The following GK5 variants were observed in gnomAD, a reference collection of about 807,000 sequenced individuals.
The protein encoded by GK5 is ATP:glycerol 3-phosphotransferase 5.
Under a neutral mutation model 77.3 loss-of-function variants are expected in GK5, and 39 were observed. That is an observed-to-expected ratio of 0.50 (90% CI 0.39 to 0.66). GK5 has a LOEUF of 0.66. Among genes scored for constraint, GK5 ranks in the 30% least tolerant of loss-of-function variants. The pLI, the probability that GK5 is intolerant of heterozygous loss-of-function variation, is 0.00. For synonymous variants in GK5, 211 were observed against 208.0 expected (o/e 1.01, Z -0.13); for missense variants, 487 against 633.8 (o/e 0.77, Z 2.49).
intron 3 of GK5, among the ~76,000 whole-genome samples, chr3:142,212,887 G>A (rs1372251865): frequency 3.0e-5 from 4 of 131,236 alleles, no homozygotes; most frequent in Non-Finnish European, 6.1e-5. Context: ...AGGCTGGAGT[G>A]CAGTGGCGCA....
intron 5 of GK5, among the ~76,000 whole-genome samples, chr3:142,194,911 G>T (rs1442913302): frequency 6.6e-6 from 1 of 150,940 alleles, no homozygotes; most frequent in Non-Finnish European, 1.5e-5. Flanking sequence ...CCCATACAAT[G>T]TTAATTACAA....
intron 3 of GK5, among the ~76,000 whole-genome samples, chr3:142,209,212 T>C (rs1297791543): frequency 6.6e-6 from 1 of 151,510 alleles, no homozygotes; most frequent in African/African-American, 2.4e-5. Flanking sequence ...CCCTGTGTGG[T>C]GGTCAGTGAA....
chr3:142,220,371 G>A (rs949107198), intron 1 of GK5, among the ~76,000 whole-genome samples: 2 of 152,084 alleles, frequency 1.3e-5, no homozygotes, highest in African/African-American at 4.8e-5. Flanking sequence ...TCTTAACCTC[G>A]TGATCCGCCC....
chr3:142,189,843 C>T (rs1008002881), intron 5 of GK5, among the ~76,000 whole-genome samples: 5 of 152,140 alleles, frequency 3.3e-5, no homozygotes, highest in Non-Finnish European at 7.4e-5. Context: ...AAGAAACAAA[C>T]ATAAATCTTA....
rs1392762824 is a variant in GK5, at chr3:142,210,252, T to C, written c.317+3274A>G. Among the ~76,000 whole-genome samples the C allele has an allele frequency of 2.0e-5, 3 of 152,006 alleles. No homozygotes were observed. The East Asian group carries it at 5.8e-4, about 29-fold the overall frequency. ...TGGCCATGAGGACAGAAATGCACCATGGATGCAGGAGGAAAAAAACAACAA... is the reference window on the plus strand; with the variant it reads ...TGGCCATGAGGACAGAAATGCACCACGGATGCAGGAGGAAAAAAACAACAA... On this transcript the variant is annotated intron_variant, in intron 3 of 15. Transcript: ENST00000392993.
rs397943912 is a variant in GK5, at chr3:142,157,957, G to GTT, written c.*7663_*7664dup. The GTT allele has an allele frequency of 9.9e-4, 142 of 142,932 alleles. 1 individual carries two copies. The highest frequency in any genetic ancestry group is 3.3e-3 in the African/African-American group (129 of 39,300). The allele number at this position is 142,932 out of a possible 1,614,324, so 8.9% of individuals were successfully genotyped here. On this transcript the variant is annotated 3_prime_UTR_variant, in exon 16 of 16. Transcript: ENST00000392993. ...TTTTGTTGTTGTTGTTGTTGTTTTT[G>GTT]TTTTTTTTTTTTGAGATGGAGTCTC...
At chr3:142,219,538 A>C (rs938699791) in intron 1 of GK5, among the ~76,000 whole-genome samples, 1 of 152,240 alleles carries the variant, frequency 6.6e-6, no homozygotes, top group African/African-American at 2.4e-5. Context: ...TGTTACGGAA[A>C]ACAGATCAGT....
At chr3:142,195,516 T>G (rs1460320074) in intron 5 of GK5, among the ~76,000 whole-genome samples, 1 of 152,108 alleles carries the variant, frequency 6.6e-6, no homozygotes, top group Non-Finnish European at 1.5e-5. Context: ...GCTAATTTTT[T>G]AATTTTTAAT....
intron 5 of GK5, among the ~76,000 whole-genome samples, chr3:142,190,034 C>A (rs2063826991): frequency 6.6e-6 from 1 of 152,118 alleles, no homozygotes; most frequent in Non-Finnish European, 1.5e-5. Context: ...ATGGGAGCTA[C>A]AGATGATGGA....
At chr3:142,197,289 T>C (rs1411388800) in intron 5 of GK5, among the ~76,000 whole-genome samples, 1 of 152,230 alleles carries the variant, frequency 6.6e-6, no homozygotes, top group Non-Finnish European at 1.5e-5. Flanking sequence ...TTGCTTCATG[T>C]ATTGTGGACC....
chr3:142,212,895 G>A (rs897491043), intron 3 of GK5, among the ~76,000 whole-genome samples: 112 of 142,424 alleles, frequency 7.9e-4, no homozygotes, highest in African/African-American at 2.9e-3. Flanking sequence ...GTGCAGTGGC[G>A]CAATCTCGGC....
At position 142,183,026 on chromosome 3, in the gene GK5, C is replaced by T. The variant is rs986540366; in HGVS notation, c.840G>A (p.Met280Ile). Residue 280 changes from methionine (M) to isoleucine (I), a missense_variant, in exon 10 of 16, where the codon ATG (methionine) becomes ATA (isoleucine). By Grantham distance (10) the Met-to-Ile change is conservative (BLOSUM62 1). This residue lies in a region of GK5 where 323 missense variants were observed against 437.4 expected (regional missense o/e 0.74). Transcript: ENST00000392993. ...VALVADQQSA[M>I]FGECCFQTGD... ...CTGTCTGGAAGCAGCACTCTCCAAA[C>T]ATGGCTGATTGCTGGTCAGCAACCT... is the stretch of plus-strand genomic sequence containing the variant. The T allele has an allele frequency of 3.7e-6, 6 of 1,614,060 alleles. No individual in the cohort carries two copies. The highest frequency in any genetic ancestry group is 2.7e-5 in the African/African-American group (2 of 75,054).
At chr3:142,180,250 CA>C (rs1231773335) in intron 11 of GK5, among the ~76,000 whole-genome samples, 1 of 152,064 alleles carries the variant, frequency 6.6e-6, no homozygotes, top group African/African-American at 2.4e-5. Flanking sequence ...CAGAGGCAAC[CA>C]AAACTCAAAG....
chr3:142,171,977 G>T (rs892909696), intron 13 of GK5, among the ~76,000 whole-genome samples: 35 of 152,102 alleles, frequency 2.3e-4, no homozygotes, highest in African/African-American at 8.4e-4. Context: ...ATATGCAGAA[G>T]AATAATTCTG....
At chr3:142,171,137 A>C (rs2063531618) in intron 14 of GK5, among the ~76,000 whole-genome samples, 1 of 152,172 alleles carries the variant, frequency 6.6e-6, no homozygotes, top group Admixed American at 6.6e-5. Context: ...ATAGTGAGGC[A>C]TGAGAATCAC....
At chr3:142,213,229 T>C (rs2064220791) in intron 3 of GK5, among the ~76,000 whole-genome samples, 1 of 152,226 alleles carries the variant, frequency 6.6e-6, no homozygotes, top group Admixed American at 6.5e-5. Flanking sequence ...TGACTCTTTT[T>C]AGGTATAATT....
At chr3:142,168,011 CAAACA>C (rs10701583) in intron 15 of GK5, among the ~76,000 whole-genome samples, 49 of 151,544 alleles carry the variant, frequency 3.2e-4, no homozygotes, top group East Asian at 7.7e-4. Flanking sequence ...GACTCCATCT[CAAACA>C]AAACAAAACA....
chr3:142,168,862 C>T (rs2063503428), intron 15 of GK5, among the ~76,000 whole-genome samples: 1 of 152,092 alleles, frequency 6.6e-6, no homozygotes, highest in Non-Finnish European at 1.5e-5. Flanking sequence ...CTCACCATAA[C>T]AGTACTTCCC....
chr3:142,171,687 T>C (rs2063542119), intron 13 of GK5, among the ~76,000 whole-genome samples: 1 of 152,156 alleles, frequency 6.6e-6, no homozygotes, highest in Non-Finnish European at 1.5e-5. Flanking sequence ...CTTGTGTTTT[T>C]TTTGCCTTCA....
Sources: allele counts gnomAD v4.1 joint callset (sites outside exome capture counted in the v4.1 genomes callset), GRCh38; gene constraint gnomAD v4.1.1; regional missense constraint gnomAD v4.1.1; transcripts MANE v1.5; gene names NCBI Gene and HGNC (gene_info 2026-07-23, HGNC 2026-07-21).